TSPAN9: variants seen among roughly 807,000 people sequenced by gnomAD.
TSPAN9 encodes tetraspanin 9, also known as tetraspanin-9.
TSPAN9 carries 16 observed loss-of-function variants against 31.0 expected under a neutral mutation model. That is an observed-to-expected ratio of 0.52 (90% CI 0.35 to 0.78). TSPAN9 has a LOEUF of 0.78. Among genes scored for constraint, TSPAN9 ranks in the 30% least tolerant of loss-of-function variants. The pLI is 0.01. For synonymous variants in TSPAN9, 145 were observed against 121.6 expected (o/e 1.19, Z -1.27); for missense variants, 272 against 312.5 (o/e 0.87, Z 0.98).
At chr12:3,146,571 GTTAA>G (rs761268441) in intron 2 of TSPAN9, among the ~76,000 whole-genome samples, 2 of 152,314 alleles carry the variant, frequency 1.3e-5, no homozygotes, top group East Asian at 3.9e-4. Context: ...TTCACAAATA[GTTAA>G]TTACACTTGG....
chr12:3,246,744 C>A (rs566601), intron 3 of TSPAN9, among the ~76,000 whole-genome samples: 123,443 of 152,124 alleles, frequency 0.81, 52,642 homozygotes, highest in Non-Finnish European at 0.95. Context: ...TCAGATCCAT[C>A]TGGTATCTTC....
intron 3 of TSPAN9, among the ~76,000 whole-genome samples, chr12:3,254,794 ATAT>A (rs1023683831): frequency 1.3e-5 from 2 of 152,184 alleles, no homozygotes; most frequent in African/African-American, 4.8e-5. Flanking sequence ...TGTCCTTATA[ATAT>A]TGATTCCAAG....
At chr12:3,208,869 TA>T (rs2098376729) in intron 3 of TSPAN9, among the ~76,000 whole-genome samples, 1 of 152,202 alleles carries the variant, frequency 6.6e-6, no homozygotes, top group South Asian at 2.1e-4. Flanking sequence ...TTGGCATTCT[TA>T]AACACGGCAT....
At chr12:3,283,000 A>G in intron 8 of TSPAN9, 45 bp from the exon 9 acceptor site, 1 of 1,597,230 alleles carries the variant, frequency 6.3e-7, no homozygotes. Context: ...GGTCAGGTCC[A>G]GGCTGCTGCA....
intron 3 of TSPAN9, among the ~76,000 whole-genome samples, chr12:3,251,856 G>A (rs1862248639): frequency 6.6e-6 from 1 of 152,154 alleles, no homozygotes; most frequent in South Asian, 2.1e-4. Context: ...AGCCCCTAGT[G>A]TAGTGGAGAA....
chr12:3,175,582 A>G (rs2098355092), intron 2 of TSPAN9, among the ~76,000 whole-genome samples: 1 of 151,436 alleles, frequency 6.6e-6, no homozygotes, highest in Non-Finnish European at 1.5e-5. Flanking sequence ...ACGGGAGCCC[A>G]GAGCAAGAGC....
intron 3 of TSPAN9, among the ~76,000 whole-genome samples, chr12:3,216,489 C>A (rs947671886): frequency 6.6e-6 from 1 of 152,170 alleles, no homozygotes; most frequent in Non-Finnish European, 1.5e-5. Flanking sequence ...CTCCCTTTTA[C>A]CAGGATTTTC....
chr12:3,268,937 CCTCT>C (rs1407815380), intron 3 of TSPAN9, among the ~76,000 whole-genome samples: 7 of 114,582 alleles, frequency 6.1e-5, no homozygotes, highest in African/African-American at 1.2e-4. Context: ...TGCAGCCTGC[CCTCT>C]CTGTGTTCCT....
intron 2 of TSPAN9, among the ~76,000 whole-genome samples, chr12:3,113,139 T>A (rs1207350931): frequency 3.3e-5 from 5 of 152,184 alleles, no homozygotes; most frequent in African/African-American, 1.2e-4. Context: ...ACCGCCCTCA[T>A]AAGCTTACAT....
At chr12:3,167,882 G>A (rs1429401369) in intron 2 of TSPAN9, among the ~76,000 whole-genome samples, 2 of 152,190 alleles carry the variant, frequency 1.3e-5, no homozygotes, top group Non-Finnish European at 2.9e-5. Context: ...TTCCCATCTG[G>A]GGCAATGTGC....
chr12:3,222,947 G>A (rs2098385299), intron 3 of TSPAN9, among the ~76,000 whole-genome samples: 1 of 145,352 alleles, frequency 6.9e-6, no homozygotes, highest in African/African-American at 2.5e-5. Flanking sequence ...GCCATCACTG[G>A]AAAGTGCCTA....
chr12:3,216,149 C>T (rs964102727), intron 3 of TSPAN9, among the ~76,000 whole-genome samples: 1 of 152,210 alleles, frequency 6.6e-6, no homozygotes, highest in South Asian at 2.1e-4. Flanking sequence ...CCCACCCCCA[C>T]CCCAGCCCTG....
intron 2 of TSPAN9, among the ~76,000 whole-genome samples, chr12:3,084,426 C>T (rs996285402): frequency 6.6e-6 from 1 of 152,114 alleles, no homozygotes; most frequent in Non-Finnish European, 1.5e-5. Context: ...ATCTTACCTT[C>T]CCTGAACCCA....
intron 2 of TSPAN9, among the ~76,000 whole-genome samples, chr12:3,174,676 G>A (rs1351676026): frequency 1.3e-5 from 2 of 151,970 alleles, no homozygotes; most frequent in African/African-American, 2.4e-5. Context: ...TCCGCCTCCC[G>A]GGTTCGCGCC....
intron 2 of TSPAN9, among the ~76,000 whole-genome samples, chr12:3,186,498 C>T (rs1195200938): frequency 6.6e-6 from 1 of 151,828 alleles, no homozygotes; most frequent in Non-Finnish European, 1.5e-5. Context: ...TAAGAAACAG[C>T]ACAGAGGACA....
chr12:3,236,451 T>C (rs2010581), intron 3 of TSPAN9, among the ~76,000 whole-genome samples: 148,029 of 152,304 alleles, frequency 0.97, 72,014 homozygotes, highest in South Asian at 0.99. Flanking sequence ...CCCTGGGCTG[T>C]ACAGCTGGTA....
intron 1 of TSPAN9, among the ~76,000 whole-genome samples, chr12:3,077,703 G>C (rs1488845953): frequency 2.6e-5 from 4 of 152,142 alleles, no homozygotes; most frequent in Non-Finnish European, 4.4e-5. Context: ...GGCACCGAGC[G>C]AAGTGGGGTC....
At chr12:3,237,260 A>G (rs1039547895) in intron 3 of TSPAN9, among the ~76,000 whole-genome samples, 1 of 140,284 alleles carries the variant, frequency 7.1e-6, no homozygotes, top group Non-Finnish European at 1.6e-5. Flanking sequence ...GCTCTATAGG[A>G]AGCCCATCAC....
intron 3 of TSPAN9, among the ~76,000 whole-genome samples, chr12:3,235,494 G>A (rs978040442): frequency 6.6e-6 from 1 of 151,696 alleles, no homozygotes; most frequent in African/African-American, 2.4e-5. Context: ...CCCCAGGGTG[G>A]TTGAGAGGAT....
Sources: allele counts gnomAD v4.1 joint callset (sites outside exome capture counted in the v4.1 genomes callset), GRCh38; gene constraint gnomAD v4.1.1; transcripts MANE v1.5; gene names NCBI Gene and HGNC (gene_info 2026-07-23, HGNC 2026-07-21).